Variants in TEX11 observed in about 807,000 individuals in gnomAD.
TEX11 encodes the protein testis-expressed protein 11.
Under a neutral mutation model 84.4 loss-of-function variants are expected in TEX11, and 7 were observed. The ratio of observed to expected loss-of-function variants is 0.08; its 90% CI spans 0.05 to 0.16. The LOEUF (loss-of-function observed/expected upper bound fraction) is 0.16. Ranked by LOEUF, TEX11 falls within the 10% of genes least tolerant of loss-of-function variation. The pLI is 1.00. For missense variants in TEX11, 551 were observed against 660.5 expected (o/e 0.83, Z 1.82); for synonymous variants, 264 against 222.8 (o/e 1.18, Z -1.64).
At chrX:70,696,844 C>T (rs1603225825) in intron 13 of TEX11, among the ~76,000 whole-genome samples, 1 of 112,139 alleles carries the variant, frequency 8.9e-6, no homozygotes. Context: ...TTTTGTAGCT[C>T]AGAAATCCAT....
At chrX:70,511,752 C>CAAAAAA in the TEX11 span, among the ~76,000 whole-genome samples, 19 of 32,666 alleles carry the variant, frequency 5.8e-4, no homozygotes, top group Non-Finnish European at 1.1e-3. Flanking sequence ...GACTCCATCT[C>CAAAAAA]AAAAAAAAAA....
chrX:70,592,482 G>T lies in TEX11; in HGVS notation c.2068-659C>A, dbSNP rs1285123738. Among the ~76,000 whole-genome samples, 4 of 111,481 alleles carry T rather than the reference G, an allele frequency of 3.6e-5. No homozygotes were observed. The East Asian group carries it at 8.5e-4, about 24-fold the overall frequency. On this transcript the variant is annotated intron_variant, in intron 24 of 29. Transcript: ENST00000374333. ...TAAACAAGCATAGCTCAGAGGCCTAGAACTCTCTTTCTCTACCCAGCCTCT... is the reference window on the plus strand; with the variant it reads ...TAAACAAGCATAGCTCAGAGGCCTATAACTCTCTTTCTCTACCCAGCCTCT...
chrX:70,529,233 T>C (rs777700645), intron 29 of TEX11, 46 bp from the exon 30 acceptor site: 1 of 1,062,311 alleles, frequency 9.4e-7, no homozygotes, highest in Non-Finnish European at 1.3e-6. Flanking sequence ...GAAAAAGAAA[T>C]GTGGGAAAGC....
chrX:70,650,074 A>G (rs2089793583), intron 17 of TEX11, among the ~76,000 whole-genome samples: 1 of 112,065 alleles, frequency 8.9e-6, no homozygotes, highest in Admixed American at 9.5e-5. Context: ...GATTTCATTT[A>G]TATGACATTC....
chrX:70,669,291 T>C (rs1029888161), intron 16 of TEX11, among the ~76,000 whole-genome samples: 4 of 111,900 alleles, frequency 3.6e-5, no homozygotes, highest in African/African-American at 1.3e-4. Context: ...CCAAGCTGCC[T>C]AGCTCACTGT....
chrX:70,569,765 A>G (rs1224179938), intron 25 of TEX11, among the ~76,000 whole-genome samples: 1 of 110,665 alleles, frequency 9.0e-6, no homozygotes, highest in Non-Finnish European at 1.9e-5. Context: ...GTTCCGCTGG[A>G]AGTTTTGTCT....
chrX:70,777,848 T>C (rs2091012243), intron 9 of TEX11, among the ~76,000 whole-genome samples: 1 of 110,758 alleles, frequency 9.0e-6, no homozygotes, highest in Non-Finnish European at 1.9e-5. Context: ...AAAGAAACTA[T>C]AAAACATTCA....
chrX:70,869,465 T>A (rs1351786283), intron 4 of TEX11, among the ~76,000 whole-genome samples: 1 of 111,978 alleles, frequency 8.9e-6, no homozygotes, highest in African/African-American at 3.2e-5. Context: ...CTGTTTTGCA[T>A]CCTTACCACT....
chrX:70,862,943 T>C (rs951817620), intron 4 of TEX11, among the ~76,000 whole-genome samples: 1 of 105,681 alleles, frequency 9.5e-6, no homozygotes, highest in Non-Finnish European at 1.9e-5. Flanking sequence ...AGAGGGGAAG[T>C]TCGGACTGGG....
At chrX:70,577,345 C>A (rs2088688621) in intron 25 of TEX11, among the ~76,000 whole-genome samples, 1 of 111,227 alleles carries the variant, frequency 9.0e-6, no homozygotes, top group African/African-American at 3.3e-5. Flanking sequence ...TGTGACTAAA[C>A]ATATCAGCAT....
At chrX:70,524,498 A>G (rs908542372), downstream of TEX11, among the ~76,000 whole-genome samples, 2 of 112,908 alleles carry the variant, frequency 1.8e-5, no homozygotes, top group Admixed American at 1.9e-4. Flanking sequence ...CAGACTCTGC[A>G]TCCAAAAAGA....
downstream of TEX11, among the ~76,000 whole-genome samples, chrX:70,526,468 T>C (rs5980713): frequency 9.3e-6 from 1 of 108,064 alleles, no homozygotes; most frequent in African/African-American, 3.4e-5. Flanking sequence ...ACTTGGGAGG[T>C]TGAGGCAGGA....
At chrX:70,824,644 GA>G (rs1486056861) in intron 8 of TEX11, among the ~76,000 whole-genome samples, 2 of 110,870 alleles carry the variant, frequency 1.8e-5, no homozygotes, top group African/African-American at 6.6e-5. Flanking sequence ...ACAGCTCAGA[GA>G]ACCAGAAACT....
chrX:70,678,464 G>T (rs200151855), intron 15 of TEX11, among the ~76,000 whole-genome samples: 1 of 105,993 alleles, frequency 9.4e-6, no homozygotes, highest in African/African-American at 3.4e-5. Flanking sequence ...TCTTGTAAAG[G>T]TTTTTTTTTC....
chrX:70,826,714 T>C (rs1441128359), intron 8 of TEX11, among the ~76,000 whole-genome samples: 4 of 111,619 alleles, frequency 3.6e-5, no homozygotes, highest in Non-Finnish European at 5.6e-5. Flanking sequence ...AGGGAGTGTT[T>C]GGACCAGCCT....
At chrX:70,559,561 T>C (rs866541208) in intron 25 of TEX11, among the ~76,000 whole-genome samples, 26 of 112,423 alleles carry the variant, frequency 2.3e-4, no homozygotes, top group Middle Eastern at 4.2e-3. Context: ...GCATGGCATG[T>C]GAGTTATATC....
At chrX:70,891,787 G>T (rs1260997089) in intron 2 of TEX11, among the ~76,000 whole-genome samples, 1 of 111,866 alleles carries the variant, frequency 8.9e-6, no homozygotes, top group African/African-American at 3.2e-5. Flanking sequence ...GGGGAGAAAG[G>T]AACCAAGTTG....
At chrX:70,800,961 T>G (rs756033464) in intron 9 of TEX11, among the ~76,000 whole-genome samples, 10 of 111,780 alleles carry the variant, frequency 8.9e-5, no homozygotes, top group Admixed American at 3.8e-4. Flanking sequence ...GCTTAATTTT[T>G]CAGTGCATTA....
At chrX:70,785,564 A>G in intron 9 of TEX11, among the ~76,000 whole-genome samples, 1 of 111,898 alleles carries the variant, frequency 8.9e-6, no homozygotes, top group Non-Finnish European at 1.9e-5. Context: ...TTCACAACCT[A>G]CTCATCTGAC....
Sources: gnomAD v4.1 joint callset for allele counts (sites outside exome capture counted in the v4.1 genomes callset) on GRCh38, gnomAD v4.1.1 for gene constraint, MANE v1.5 for transcripts, NCBI Gene and HGNC (gene_info 2026-07-23, HGNC 2026-07-21) for gene names.